Variants in CSMD3 observed in about 807,000 individuals in gnomAD.
CSMD3 encodes the protein CUB and Sushi multiple domains 3.
In CSMD3, 177 loss-of-function variants were observed where a neutral mutation model predicts 435.2. That is an observed-to-expected ratio of 0.41 (90% CI 0.36 to 0.46). The LOEUF is 0.46. CSMD3 is among the 20% of genes least tolerant of loss of function. CSMD3 has a pLI of 0.34. For missense variants in CSMD3, 4,265 were observed against 4,504.6 expected, an observed-to-expected ratio of 0.95 and a Z score of 1.52; for synonymous variants, 1,656 against 1,520.5, an observed-to-expected ratio of 1.09 and a Z score of -2.07.
At chr8:113,177,814 A>AATATCTTTG (rs1219740029) in intron 3 of CSMD3, among the ~76,000 whole-genome samples, 1 of 151,960 alleles carries the variant, frequency 6.6e-6, no homozygotes, top group Non-Finnish European at 1.5e-5. Context: ...TTCTCTTCTC[A>AATATCTTTG]CAGTATTGAG....
chr8:112,899,833 G>GGA (rs373458764), intron 10 of CSMD3, among the ~76,000 whole-genome samples: 16 of 145,266 alleles, frequency 1.1e-4, no homozygotes, highest in South Asian at 4.3e-4. Context: ...GTATATATAT[G>GGA]GAGAGAGAGA....
At chr8:113,426,757 T>C (rs2094637940) in intron 1 of CSMD3, among the ~76,000 whole-genome samples, 1 of 151,452 alleles carries the variant, frequency 6.6e-6, no homozygotes, top group African/African-American at 2.4e-5. Flanking sequence ...CTAACAACAA[T>C]TGGATGCATT....
At chr8:112,410,640 ATATATATATGTG>A (rs1563913216) in intron 32 of CSMD3, among the ~76,000 whole-genome samples, 9 of 57,526 alleles carry the variant, frequency 1.6e-4, no homozygotes, top group South Asian at 9.6e-4. Flanking sequence ...ATATATATGT[ATATATATATGTG>A]TATATATATG....
At chr8:112,953,841 A>G (rs1364003937) in intron 8 of CSMD3, among the ~76,000 whole-genome samples, 1 of 151,488 alleles carries the variant, frequency 6.6e-6, no homozygotes, top group Non-Finnish European at 1.5e-5. Flanking sequence ...TAAAAAATAT[A>G]CTCTTGTTGA....
At chr8:112,508,316 C>T (rs1822744393) in intron 28 of CSMD3, among the ~76,000 whole-genome samples, 1 of 152,104 alleles carries the variant, frequency 6.6e-6, no homozygotes, top group Admixed American at 6.5e-5. Flanking sequence ...AGATAAGACT[C>T]ACTTATCATG....
intron 3 of CSMD3, among the ~76,000 whole-genome samples, chr8:113,253,292 A>G (rs2093350296): frequency 6.6e-6 from 1 of 151,718 alleles, no homozygotes; most frequent in Non-Finnish European, 1.5e-5. Flanking sequence ...GGTTTGTTAC[A>G]TATGCATACA....
chr8:112,966,460 C>A (rs1488585806), intron 7 of CSMD3, among the ~76,000 whole-genome samples: 6 of 150,364 alleles, frequency 4.0e-5, no homozygotes, highest in South Asian at 2.1e-4. Flanking sequence ...TCTTTATTTT[C>A]TTTTCTTCTT....
At chr8:113,433,730 G>A (rs1179148193) in intron 1 of CSMD3, among the ~76,000 whole-genome samples, 1 of 152,180 alleles carries the variant, frequency 6.6e-6, no homozygotes, top group Non-Finnish European at 1.5e-5. Flanking sequence ...AAGCAGCGTG[G>A]GAAAACATCC....
chr8:112,326,569 A>G (rs1454673178), intron 45 of CSMD3, among the ~76,000 whole-genome samples: 1 of 152,200 alleles, frequency 6.6e-6, no homozygotes, highest in Admixed American at 6.5e-5. Context: ...CTTGACAAAT[A>G]TTGGCATCAG....
intron 31 of CSMD3, among the ~76,000 whole-genome samples, chr8:112,487,914 TAC>T (rs1243104001): frequency 6.6e-6 from 1 of 152,170 alleles, no homozygotes; most frequent in Non-Finnish European, 1.5e-5. Flanking sequence ...AGTAAATTAC[TAC>T]AGAGTTTTAA....
chr8:113,129,728 T>C (rs1443834006), intron 4 of CSMD3, among the ~76,000 whole-genome samples: 1 of 152,042 alleles, frequency 6.6e-6, no homozygotes, highest in Non-Finnish European at 1.5e-5. Context: ...CACACACGTG[T>C]AATATTAAAG....
At chr8:112,476,154 TC>T (rs1426449863) in intron 31 of CSMD3, among the ~76,000 whole-genome samples, 1 of 152,140 alleles carries the variant, frequency 6.6e-6, no homozygotes, top group African/African-American at 2.4e-5. Flanking sequence ...CAAGAGATTC[TC>T]CTACCTCAGC....
chr8:113,217,658 C>T (rs922057307), intron 3 of CSMD3, among the ~76,000 whole-genome samples: 16 of 151,194 alleles, frequency 1.1e-4, no homozygotes, highest in African/African-American at 3.9e-4. Flanking sequence ...AATCATTTAA[C>T]CTGAAGAACA....
chr8:113,155,490 T>A (rs919187015), intron 4 of CSMD3, among the ~76,000 whole-genome samples: 1 of 151,954 alleles, frequency 6.6e-6, no homozygotes, highest in African/African-American at 2.4e-5. Context: ...ATAGTAAAAC[T>A]ATTAAGGGTG....
At chr8:112,535,867 A>G (rs1410513425) in intron 27 of CSMD3, among the ~76,000 whole-genome samples, 7 of 152,252 alleles carry the variant, frequency 4.6e-5, no homozygotes, top group East Asian at 3.9e-4. Context: ...AAATAATGCC[A>G]CATACCTACA....
chr8:113,424,754 A>G (rs761062380), intron 1 of CSMD3, among the ~76,000 whole-genome samples: 3 of 151,616 alleles, frequency 2.0e-5, no homozygotes, highest in Non-Finnish European at 3.0e-5. Context: ...TGGAAATTAC[A>G]AGAGAAAATT....
At chr8:112,458,215 C>CTCACACACACACACACACACA in intron 32 of CSMD3, among the ~76,000 whole-genome samples, 1 of 150,690 alleles carries the variant, frequency 6.6e-6, no homozygotes, top group South Asian at 2.1e-4. Context: ...ACACTCACAC[C>CTCACACACACACACACACACA]CACACACACA....
intron 32 of CSMD3, among the ~76,000 whole-genome samples, chr8:112,427,281 CATCTT>C (rs1481201652): frequency 2.0e-5 from 3 of 152,074 alleles, no homozygotes; most frequent in Admixed American, 6.6e-5. Context: ...ACCCAAATCT[CATCTT>C]GAATTGTAGT....
At chr8:113,377,529 C>A (rs576872194) in intron 1 of CSMD3, among the ~76,000 whole-genome samples, 2 of 152,260 alleles carry the variant, frequency 1.3e-5, no homozygotes, top group South Asian at 4.1e-4. Flanking sequence ...TATCTGAAAG[C>A]TGAGTTTTAG....
Sources: allele counts gnomAD v4.1 joint callset (sites outside exome capture counted in the v4.1 genomes callset), GRCh38; gene constraint gnomAD v4.1.1; transcripts MANE v1.5; gene names NCBI Gene and HGNC (gene_info 2026-07-23, HGNC 2026-07-21).